The following SLC44A2 variants were observed in gnomAD, a reference collection of about 807,000 sequenced individuals.
SLC44A2 encodes the protein solute carrier family 44 member 2 (CTL2 blood group).
SLC44A2 carries 57 observed loss-of-function variants against 90.8 expected under a neutral mutation model. The ratio of observed to expected loss-of-function variants is 0.63; its 90% CI spans 0.51 to 0.78. SLC44A2 has a LOEUF of 0.78. SLC44A2 is among the 30% of genes least tolerant of loss of function. The probability of loss-of-function intolerance (pLI) is 0.00; values close to 1 mark genes in which losing one functional copy is unlikely to be tolerated. For synonymous variants in SLC44A2, 355 were observed against 360.7 expected (o/e 0.98, Z 0.18); for missense variants, 794 against 919.7 (o/e 0.86, Z 1.77).
chr19:10,610,424 C>T (rs192482976), intron 1 of SLC44A2, among the ~76,000 whole-genome samples: 1,550 of 146,882 alleles, frequency 0.011, 26 homozygotes, highest in African/African-American at 0.037. Context: ...CTCCGCCTCC[C>T]GGGTTCACGC....
chr19:10,611,935 T>G (rs1918314977), intron 1 of SLC44A2, among the ~76,000 whole-genome samples: 1 of 152,216 alleles, frequency 6.6e-6, no homozygotes, highest in South Asian at 2.1e-4. Flanking sequence ...ATGGAAGATT[T>G]TAGCTTTCCA....
At chr19:10,620,577 A>G (rs1444288829), upstream of SLC44A2, among the ~76,000 whole-genome samples, 1 of 152,220 alleles carries the variant, frequency 6.6e-6, no homozygotes, top group East Asian at 1.9e-4. Context: ...TATTGTGGCT[A>G]TTCATTCAAC....
Position 10,625,558 on chromosome 19 carries a change from C to T in SLC44A2, c.-76C>T. ...CCGCCGCCAGTCGCGCGGTCAGTGC[C>T]TCCCTCCAGACTCGGGAGGGTCGAG... On this transcript the variant is annotated 5_prime_UTR_variant, in exon 1 of 22. Transcript: ENST00000335757. 1 of 1,232,836 alleles carries T rather than the reference C, an allele frequency of 8.1e-7. No homozygotes were observed. Among genetic ancestry groups the T allele is most frequent in the Non-Finnish European group, 1.0e-6 (1 of 987,062 alleles). The allele number at this position is 1,232,836 out of a possible 1,614,324, so 76.4% of individuals were successfully genotyped here.
Position 10,635,524 on chromosome 19 carries a change from C to T in SLC44A2, c.1233+9C>T, listed in dbSNP as rs559242625. ...AAACCTGCAACCCAGAGGTGGGCGT[C>T]CCCGGGGTGGGGAGGGCAGGTATTG... On this transcript the variant is annotated intron_variant, in intron 14 of 21. Transcript: ENST00000335757. 13 of 1,610,092 alleles carry T rather than the reference C, an allele frequency of 8.1e-6. No homozygotes were observed. Among genetic ancestry groups the T allele is most frequent in the Non-Finnish European group, 1.1e-5 (13 of 1,178,672 alleles).
At chr19:10,607,750 A>ATT (rs1322222585) in intron 1 of SLC44A2, among the ~76,000 whole-genome samples, 6 of 88,438 alleles carry the variant, frequency 6.8e-5, no homozygotes, top group African/African-American at 1.8e-4. Context: ...TATTATTATT[A>ATT]TTTTTTTTTT....
intron 1 of SLC44A2, among the ~76,000 whole-genome samples, chr19:10,603,326 G>GTT (rs1428226397): frequency 6.6e-6 from 1 of 152,106 alleles, no homozygotes; most frequent in African/African-American, 2.4e-5. Flanking sequence ...GGTGGGAGGA[G>GTT]TTGCCATCCT....
intron 1 of SLC44A2, among the ~76,000 whole-genome samples, chr19:10,612,338 C>T (rs928375015): frequency 6.6e-6 from 1 of 152,028 alleles, no homozygotes; most frequent in African/African-American, 2.4e-5. Context: ...CGCCCCTGCA[C>T]TTCATCCTGG....
Position 10,636,443 on chromosome 19 carries a change from A to G in SLC44A2, c.1354A>G (p.Met452Val), listed in dbSNP as rs764571362. The stretch of plus-strand genomic sequence containing the variant: ...GGGCCTGCAGATCTTCAATGCCTTC[A>G]TGTTCTTCTGGTTGGCCAACTTCGT... ...LLGLQIFNAF[M>V]FFWLANFVLA... Residue 452 changes from methionine (M) to valine (V), a missense_variant, in exon 15 of 22, where the codon ATG (methionine) becomes GTG (valine). Met to Val is a conservative substitution (Grantham distance 21). Around this residue, in one of 3 missense-constraint regions of SLC44A2, gnomAD observed 738 missense variants for 841.1 expected, o/e 0.88. Coordinates refer to ENST00000335757, the MANE Select transcript of SLC44A2 (RefSeq NM_020428.4). 1 of 1,613,824 alleles carries G rather than the reference A, an allele frequency of 6.2e-7. No homozygotes were observed. The highest frequency in any genetic ancestry group is 8.5e-7 in the Non-Finnish European group (1 of 1,179,972).
chr19:10,623,473 G>A (rs932656216), upstream of SLC44A2, among the ~76,000 whole-genome samples: 2 of 152,044 alleles, frequency 1.3e-5, no homozygotes, highest in Non-Finnish European at 2.9e-5. Context: ...TCCTGCTGAG[G>A]ATACCTCCAC....
chr19:10,610,883 G>A (rs138023215), intron 1 of SLC44A2, among the ~76,000 whole-genome samples: 2,946 of 150,260 alleles, frequency 0.02, 89 homozygotes, highest in African/African-American at 0.068. Flanking sequence ...CAAGTGATCC[G>A]CTCGCCTCGG....
At chr19:10,618,722 G>A (rs905135662) in intron 1 of SLC44A2, among the ~76,000 whole-genome samples, 3 of 151,592 alleles carry the variant, frequency 2.0e-5, no homozygotes, top group Non-Finnish European at 2.9e-5. Context: ...CTCGTGTTCC[G>A]GCCATGCTCG....
intron 16 of SLC44A2, 55 bp downstream of exon 16, chr19:10,636,811 C>G: frequency 3.2e-6 from 5 of 1,543,896 alleles, no homozygotes; most frequent in Non-Finnish European, 4.4e-6. Flanking sequence ...GGCTGAATAG[C>G]GAACCAGGAT....
intron 1 of SLC44A2, among the ~76,000 whole-genome samples, chr19:10,611,060 G>C (rs987556988): frequency 6.6e-6 from 1 of 151,990 alleles, no homozygotes. Flanking sequence ...CCCCAGGCTG[G>C]TTGAATTCCC....
In SLC44A2 at chr19:10,626,262, A is replaced by G; in HGVS notation, c.47A>G (p.Gln16Arg). The change falls in exon 2 of 22, where the codon CAG (glutamine) becomes CGG (arginine). Residue 16 changes from glutamine to arginine, a missense_variant. Coordinates refer to ENST00000335757, the MANE Select transcript of SLC44A2 (RefSeq NM_020428.4). ...PHYYGKHGTP[Q>R]KYDPTFKGPI... ...TCTTCTTGACTTTCAGGAACGCCAC[A>G]GAAGTATGATCCCACTTTCAAAGGA... is the stretch of plus-strand genomic sequence containing the variant. The G allele has an allele frequency of 6.2e-7, 1 of 1,613,612 alleles. No homozygotes were observed. The highest frequency in any genetic ancestry group is 2.2e-5 in the East Asian group (1 of 44,882).
chr19:10,643,343 G>C lies in SLC44A2; in HGVS notation c.2079G>C (p.Lys693Asn). 6.2e-7 allele frequency: 1 copy of C among 1,612,970 alleles called. No individual in the cohort carries two copies. Among genetic ancestry groups the C allele is most frequent in the East Asian group, 2.2e-5 (1 of 44,860 alleles). Residue 693 changes from lysine (K) to asparagine (N), a missense_variant, in exon 22 of 22, where the codon AAG (lysine) becomes AAC (asparagine). Lys to Asn is a moderately conservative substitution (Grantham distance 94). Coordinates refer to ENST00000335757, the MANE Select transcript of SLC44A2 (RefSeq NM_020428.4). ...CTTACTTCATGTCTTCCACCCTCAA[G>C]AAACTCTTGAACAAGACCAACAAGA... Reference protein sequence around the residue: ...ERPYFMSSTLKKLLNKTNKKA... With the variant: ...ERPYFMSSTLNKLLNKTNKKA...
At chr19:10,630,407 A>G (rs888411922) in intron 4 of SLC44A2, among the ~76,000 whole-genome samples, 2 of 152,094 alleles carry the variant, frequency 1.3e-5, no homozygotes, top group African/African-American at 2.4e-5. Flanking sequence ...ATATAATCCC[A>G]ACACTTTGGG....
intron 10 of SLC44A2, among the ~76,000 whole-genome samples, chr19:10,634,468 A>C (rs1276740815): frequency 6.6e-6 from 1 of 151,512 alleles, no homozygotes; most frequent in African/African-American, 2.4e-5. Flanking sequence ...CCGTCTCAAA[A>C]AAAAAAAAAA....
At position 10,627,982 on chromosome 19, in the gene SLC44A2, G is replaced by A. The variant is rs751786145; in HGVS notation, c.223G>A (p.Gly75Arg). 9.3e-6 allele frequency: 15 copies of A among 1,613,582 alleles called. No homozygotes were observed. The highest frequency in any genetic ancestry group is 2.2e-5 in the East Asian group (1 of 44,850). ...YPTDSRGEFC[G>R]QKGTKNENKP... ...CACTGACAGCCGGGGCGAGTTCTGC[G>A]GGCAGAAGGGCACAAAAAACGAGTG... Residue 75 changes from glycine to arginine, a missense_variant, in exon 4 of 22, where the codon GGG (glycine) becomes AGG (arginine). Around this residue, in one of 3 missense-constraint regions of SLC44A2, gnomAD observed 738 missense variants for 841.1 expected, o/e 0.88. Coordinates refer to ENST00000335757, the MANE Select transcript of SLC44A2 (RefSeq NM_020428.4).
Position 10,643,564 on chromosome 19 carries a change from C to T in SLC44A2, c.*179C>T. 1.5e-6 allele frequency: 1 copy of T among 680,030 alleles called. No homozygotes were observed. The highest frequency in any genetic ancestry group is 2.3e-6 in the Non-Finnish European group (1 of 437,244). 42.1% of individuals were successfully genotyped at this position (680,030 alleles called of 1,614,324 possible). On this transcript the variant is annotated 3_prime_UTR_variant, in exon 22 of 22. Transcript: ENST00000335757. The stretch of plus-strand genomic sequence containing the variant: ...GAGTCTGGGGCATCTCCTTCTTATG[C>T]CAAGGGGCGCTTGGAGTTTTCATGG...
Sources: allele counts gnomAD v4.1 joint callset (sites outside exome capture counted in the v4.1 genomes callset), GRCh38; gene constraint gnomAD v4.1.1; regional missense constraint gnomAD v4.1.1; transcripts MANE v1.5; gene names NCBI Gene and HGNC (gene_info 2026-07-23, HGNC 2026-07-21).